Variants in IL7 observed in about 807,000 individuals in gnomAD.
IL7 encodes the protein interleukin 7, also known as interleukin-7.
A neutral mutation model predicts 21.6 loss-of-function variants in IL7; 3 were observed. The observed-to-expected ratio is 0.14, with a 90% CI of 0.06 to 0.36. The LOEUF (loss-of-function observed/expected upper bound fraction) is 0.36, where lower values mean the gene tolerates loss of function less well. Ranked by LOEUF, IL7 falls within the 10% of genes least tolerant of loss-of-function variation. The pLI is 1.00. For missense variants in IL7, 175 were observed against 200.2 expected (o/e 0.87, Z 0.76); for synonymous variants, 62 against 68.1 (o/e 0.91, Z 0.44).
intron 2 of IL7, chr8:78,747,147 G>T (rs1278357587): frequency 2.3e-6 from 1 of 444,054 alleles, no homozygotes; most frequent in Non-Finnish European, 4.5e-6. Flanking sequence ...CATGTCTCTT[G>T]CTATAAATAA....
chr8:78,789,394 T>G (rs1813613909), intron 2 of IL7, among the ~76,000 whole-genome samples: 1 of 152,202 alleles, frequency 6.6e-6, no homozygotes. Flanking sequence ...TTTTCCTTAT[T>G]TGTTAACTAC....
At chr8:78,691,098 G>C (rs892666744) in intron 3 of IL7, among the ~76,000 whole-genome samples, 1 of 152,064 alleles carries the variant, frequency 6.6e-6, no homozygotes, top group Admixed American at 6.6e-5. Context: ...GCATGGGCTA[G>C]ACTAATGTTG....
At chr8:78,723,092 A>AATATATATAT (rs71264200) in intron 3 of IL7, among the ~76,000 whole-genome samples, 7,386 of 140,206 alleles carry the variant, frequency 0.053, 233 homozygotes, top group East Asian at 0.1. Flanking sequence ...TAGAAGTACA[A>AATATATATAT]ATATATATAT....
downstream of IL7, chr8:78,715,368 T>A: frequency 6.5e-7 from 1 of 1,543,128 alleles, no homozygotes; most frequent in East Asian, 2.3e-5. Flanking sequence ...AAAATAAAAT[T>A]GAGTATATGA....
rs185809240 is a variant in IL7, at chr8:78,739,500, T to A, written c.228+502A>T. On this transcript the variant is annotated intron_variant, in intron 3 of 5. Transcript: ENST00000263851. ...TGAGGTCAGGAGATCGAGATCATCCTGGCCAGCATGGTGAAACCCCGTCTC... is the reference window on the plus strand; with the variant it reads ...TGAGGTCAGGAGATCGAGATCATCCAGGCCAGCATGGTGAAACCCCGTCTC... Among the ~76,000 whole-genome samples the A allele has an allele frequency of 1.6e-3, 243 of 152,272 alleles. 3 individuals carry two copies. The highest frequency in any genetic ancestry group is 5.6e-3 in the African/African-American group (234 of 41,558).
At chr8:78,789,292 T>TAATCATGACTAAA (rs1813610960) in intron 2 of IL7, among the ~76,000 whole-genome samples, 2 of 152,200 alleles carry the variant, frequency 1.3e-5, no homozygotes, top group Non-Finnish European at 2.9e-5. Flanking sequence ...AACTGATTAG[T>TAATCATGACTAAA]CATGCTACTG....
intron 3 of IL7, among the ~76,000 whole-genome samples, chr8:78,726,131 A>C (rs1042033030): frequency 6.6e-6 from 1 of 151,964 alleles, no homozygotes; most frequent in East Asian, 1.9e-4. Flanking sequence ...AATTTTAGAT[A>C]GAGTGTTCAG....
intron 5 of IL7, among the ~76,000 whole-genome samples, chr8:78,736,023 ATT>A (rs1426765459): frequency 1.3e-5 from 2 of 150,604 alleles, no homozygotes; most frequent in Admixed American, 6.6e-5. Flanking sequence ...TTTATATACT[ATT>A]ATATATTATT....
chr8:78,692,790 G>C (rs1394609762), intron 3 of IL7, among the ~76,000 whole-genome samples: 1 of 152,072 alleles, frequency 6.6e-6, no homozygotes, highest in South Asian at 2.1e-4. Flanking sequence ...GTGCAGGTTT[G>C]TTACATACGT....
chr8:78,774,766 C>G (rs1483518496), intron 2 of IL7, among the ~76,000 whole-genome samples: 1 of 152,054 alleles, frequency 6.6e-6, no homozygotes, highest in Non-Finnish European at 1.5e-5. Flanking sequence ...ATAAAAATGA[C>G]TATATTCTTA....
At chr8:78,753,370 A>G (rs962026889) in intron 2 of IL7, among the ~76,000 whole-genome samples, 1 of 151,928 alleles carries the variant, frequency 6.6e-6, no homozygotes, top group Non-Finnish European at 1.5e-5. Flanking sequence ...TGTTGGCCGC[A>G]TAAATTTGAA....
At chr8:78,747,353 G>A (rs1367634453) in intron 2 of IL7, among the ~76,000 whole-genome samples, 1 of 151,732 alleles carries the variant, frequency 6.6e-6, no homozygotes, top group Non-Finnish European at 1.5e-5. Flanking sequence ...GCCAGCTAAT[G>A]TTTATATTTT....
intron 2 of IL7, among the ~76,000 whole-genome samples, chr8:78,749,418 C>G (rs1812094104): frequency 2.0e-5 from 3 of 152,066 alleles, no homozygotes; most frequent in Non-Finnish European, 4.4e-5. Flanking sequence ...AAATCAACAA[C>G]TCTTCTTAGA....
At chr8:78,736,069 T>C (rs1277803697) in intron 5 of IL7, among the ~76,000 whole-genome samples, 1 of 151,240 alleles carries the variant, frequency 6.6e-6, no homozygotes, top group Non-Finnish European at 1.5e-5. Flanking sequence ...AAAAGAGGTA[T>C]ATATAAGATA....
intron 2 of IL7, among the ~76,000 whole-genome samples, chr8:78,793,160 G>GA: frequency 6.6e-6 from 1 of 152,062 alleles, no homozygotes; most frequent in Non-Finnish European, 1.5e-5. Context: ...TTATATACAA[G>GA]ACAGATGTGA....
At chr8:78,804,866 G>T (rs1457456073) in intron 1 of IL7, 47 bp downstream of exon 1, 2 of 1,610,546 alleles carry the variant, frequency 1.2e-6, no homozygotes, top group African/African-American at 2.7e-5. Flanking sequence ...GGATTGCCCC[G>T]GCGCGTCGGG....
intron 3 of IL7, among the ~76,000 whole-genome samples, chr8:78,739,163 C>T (rs970952055): frequency 6.6e-6 from 1 of 152,112 alleles, no homozygotes; most frequent in African/African-American, 2.4e-5. Context: ...ATGAGGCTAA[C>T]TTAGCTACTG....
chr8:78,792,852 G>C (rs1813739334), intron 2 of IL7, among the ~76,000 whole-genome samples: 1 of 152,090 alleles, frequency 6.6e-6, no homozygotes, highest in Non-Finnish European at 1.5e-5. Flanking sequence ...AGCCTCTTTA[G>C]AAACAGTTTG....
intron 2 of IL7, chr8:78,762,489 G>C: frequency 7.4e-7 from 1 of 1,355,938 alleles, no homozygotes; most frequent in South Asian, 1.6e-5. Flanking sequence ...AGGGCAGTCC[G>C]CCCGCCCGTC....
Sources: gnomAD v4.1 joint callset for allele counts (sites outside exome capture counted in the v4.1 genomes callset) on GRCh38, gnomAD v4.1.1 for gene constraint, MANE v1.5 for transcripts, NCBI Gene and HGNC (gene_info 2026-07-23, HGNC 2026-07-21) for gene names.